DCTN4: variants seen among roughly 807,000 people sequenced by gnomAD.
The protein encoded by DCTN4 is dynactin subunit 4.
Under a neutral mutation model 62.7 loss-of-function variants are expected in DCTN4, and 23 were observed. The observed-to-expected ratio is 0.37, with a 90% CI of 0.26 to 0.52. DCTN4 has a LOEUF of 0.52. Ranked by LOEUF, DCTN4 falls within the 20% of genes least tolerant of loss-of-function variation. The probability of loss-of-function intolerance (pLI) is 0.92; values close to 1 mark genes in which losing one functional copy is unlikely to be tolerated. For synonymous variants in DCTN4, 199 were observed against 202.1 expected (o/e 0.98, Z 0.13); for missense variants, 514 against 580.4 (o/e 0.89, Z 1.18).
intron 2 of DCTN4, 75 bp from the exon 3 acceptor site, chr5:150,753,732 C>T (rs1199460444): frequency 3.5e-6 from 5 of 1,440,352 alleles, no homozygotes; most frequent in Admixed American, 2.2e-5. Flanking sequence ...AATATAAGGA[C>T]AAGTGTCTCT....
At chr5:150,734,480 C>G (rs1405275411) in intron 4 of DCTN4, 1 of 152,214 alleles carries the variant, frequency 6.6e-6, no homozygotes, top group Admixed American at 6.5e-5. Flanking sequence ...TGTAGGCACT[C>G]CCGGTTCCCA....
In DCTN4 at chr5:150,758,958, A is replaced by G; in HGVS notation, c.36T>C (p.Tyr12=). The G allele has an allele frequency of 6.2e-7, 1 of 1,614,068 alleles. No homozygotes were observed. The highest frequency in any genetic ancestry group is 1.3e-5 in the African/African-American group (1 of 75,012). Residue 12 remains tyrosine, a synonymous_variant, in exon 1 of 13, where the codon TAT becomes TAC. Coordinates refer to ENST00000447998, the MANE Select transcript of DCTN4 (RefSeq NM_016221.4). ...GAACCTTCTTTTCTCCCTGGACTAG[A>G]TAGAGAACCCGGTCCGACTGCAGCA... The part of the protein sequence containing the change: ...ASLLQSDRVL[Y]LVQGEKKVRA...
intron 12 of DCTN4, 55 bp downstream of exon 12, chr5:150,715,510 T>C (rs936671263): frequency 3.5e-5 from 47 of 1,350,174 alleles, no homozygotes; most frequent in South Asian, 2.6e-4. Context: ...TGGATATAAG[T>C]GGGCATTCTA....
intron 3 of DCTN4, among the ~76,000 whole-genome samples, chr5:150,743,735 A>T (rs1760855747): frequency 1.3e-5 from 2 of 152,230 alleles, no homozygotes; most frequent in Admixed American, 6.5e-5. Flanking sequence ...CCTGCAGCTG[A>T]GGGTCCTGTC....
chr5:150,738,783 T>G lies in DCTN4; in HGVS notation c.429+3331A>C, dbSNP rs184482784. ...CAGAGCAATCAGACAAGGAAAGAAA[T>G]AAAGGGCATCCAAATCAGTAAAGAG... On this transcript the variant is annotated intron_variant, in intron 4 of 12. Coordinates refer to ENST00000447998, the MANE Select transcript of DCTN4 (RefSeq NM_016221.4). 3.5e-3 allele frequency among the ~76,000 whole-genome samples: 525 copies of G among 152,138 alleles called. 16 individuals carry two copies. In the South Asian group the frequency reaches 0.053, roughly 15 times the overall value.
At chr5:150,737,237 G>T (rs1760615313) in intron 4 of DCTN4, among the ~76,000 whole-genome samples, 1 of 152,018 alleles carries the variant, frequency 6.6e-6, no homozygotes, top group Non-Finnish European at 1.5e-5. Context: ...AGAAACAATG[G>T]ACTTACACTA....
At chr5:150,716,055 C>T (rs1463944503) in intron 11 of DCTN4, among the ~76,000 whole-genome samples, 2 of 152,132 alleles carry the variant, frequency 1.3e-5, no homozygotes, top group African/African-American at 4.8e-5. Flanking sequence ...CAGGTGCCCA[C>T]CACCATGCCT....
intron 3 of DCTN4, 107 bp from the exon 4 acceptor site, chr5:150,742,264 A>G: frequency 8.9e-7 from 1 of 1,119,804 alleles, no homozygotes; most frequent in Non-Finnish European, 1.4e-6. Context: ...CATAAGTTAT[A>G]TAGACCATTC....
chr5:150,755,627 C>G (rs1752833538), intron 2 of DCTN4: 1 of 455,244 alleles, frequency 2.2e-6, no homozygotes, highest in African/African-American at 2.0e-5. Context: ...AAATACCTCA[C>G]CAGTACTCCT....
At position 150,758,919 on chromosome 5, in the gene DCTN4, C is replaced by A. The variant is rs774383153; in HGVS notation, c.75G>T (p.Ser25=). The part of the protein sequence containing the change: ...QGEKKVRAPL[S]QLYFCRYCSE... The stretch of plus-strand genomic sequence containing the variant: ...TACAATAGCGGCAGAAGTAGAGTTG[C>A]GAGAGCGGGGCCCGAACCTTCTTTT... Residue 25 remains serine, a synonymous_variant, in exon 1 of 13, where the codon TCG becomes TCT. Transcript: ENST00000447998. The A allele has an allele frequency of 3.1e-6, 5 of 1,614,082 alleles. No homozygotes were observed. In the South Asian group the frequency reaches 4.4e-5, roughly 14 times the overall value.
chr5:150,741,141 G>T (rs1185854531), intron 4 of DCTN4, among the ~76,000 whole-genome samples: 5 of 141,110 alleles, frequency 3.5e-5, no homozygotes, highest in Admixed American at 3.5e-4. Flanking sequence ...TGCCAGCCTG[G>T]GTGACAGAGT....
intron 4 of DCTN4, 123 bp from the exon 5 acceptor site, chr5:150,733,598 C>A: frequency 1.7e-6 from 1 of 589,066 alleles, no homozygotes; most frequent in South Asian, 3.0e-5. Context: ...GGCAAGTTTG[C>A]CCTTTTTCTT....
chr5:150,758,781 A>G (rs1752954123), intron 1 of DCTN4, 78 bp downstream of exon 1: 7 of 1,566,996 alleles, frequency 4.5e-6, no homozygotes, highest in Non-Finnish European at 5.2e-6. Context: ...AAATAGCTCC[A>G]GCCTTCCGGT....
intron 5 of DCTN4, 22 bp downstream of exon 5, chr5:150,733,346 C>T: frequency 1.3e-6 from 2 of 1,580,586 alleles, no homozygotes; most frequent in Admixed American, 1.7e-5. Flanking sequence ...TCTTGCAAAT[C>T]ATTTTAGTAC....
At chr5:150,725,595 C>T (rs972399399) in intron 8 of DCTN4, among the ~76,000 whole-genome samples, 2 of 151,882 alleles carry the variant, frequency 1.3e-5, no homozygotes, top group African/African-American at 2.4e-5. Flanking sequence ...ATGCTGACAT[C>T]GCTAATCTTT....
intron 3 of DCTN4, among the ~76,000 whole-genome samples, chr5:150,747,497 A>G (rs1005462428): frequency 9.2e-5 from 14 of 152,240 alleles, no homozygotes; most frequent in Admixed American, 5.2e-4. Flanking sequence ...TCCTAAGCCA[A>G]AAGAACAAAG....
At chr5:150,753,049 T>G (rs887514400) in intron 3 of DCTN4, among the ~76,000 whole-genome samples, 2 of 152,098 alleles carry the variant, frequency 1.3e-5, no homozygotes, top group Admixed American at 1.3e-4. Flanking sequence ...TATTTTTTAG[T>G]AGAGACGGGG....
At chr5:150,713,765 C>T (rs1369808138) in intron 12 of DCTN4, among the ~76,000 whole-genome samples, 2 of 152,006 alleles carry the variant, frequency 1.3e-5, no homozygotes, top group East Asian at 3.9e-4. Flanking sequence ...TTCTAACCCA[C>T]CTTGTTATCT....
At position 150,756,458 on chromosome 5, in the gene DCTN4, T is replaced by C; in HGVS notation, c.165A>G (p.Leu55=). Reference sequence around the variant, plus strand: ...TGGCTTCAGCCGATGGCATATTTTCTAAACAACTGGGACAATAATGGGAGT... The same window carrying C: ...TGGCTTCAGCCGATGGCATATTTTCCAAACAACTGGGACAATAATGGGAGT... ...EVDSHYCPSC[L]ENMPSAEAKL... Residue 55 remains leucine, a synonymous_variant, in exon 2 of 13, where the codon TTA becomes TTG. Coordinates refer to ENST00000447998, the MANE Select transcript of DCTN4 (RefSeq NM_016221.4). The C allele has an allele frequency of 6.2e-7, 1 of 1,603,662 alleles. No homozygotes were observed. The highest frequency in any genetic ancestry group is 8.5e-7 in the Non-Finnish European group (1 of 1,175,946).
Sources: gnomAD v4.1 joint callset for allele counts (sites outside exome capture counted in the v4.1 genomes callset) on GRCh38, gnomAD v4.1.1 for gene constraint, MANE v1.5 for transcripts, NCBI Gene and HGNC (gene_info 2026-07-23, HGNC 2026-07-21) for gene names.